The following YAP1 variants were observed in gnomAD, a reference collection of about 807,000 sequenced individuals.
The protein encoded by YAP1 is Yes1 associated transcriptional regulator, also known as transcriptional coactivator YAP1.
Under a neutral mutation model 56.9 loss-of-function variants are expected in YAP1, and 5 were observed. The observed-to-expected ratio is 0.09, with a 90% CI of 0.05 to 0.18. The LOEUF is 0.18. Ranked by LOEUF, YAP1 falls within the 10% of genes least tolerant of loss-of-function variation. The pLI is 1.00. For missense variants in YAP1, 539 were observed against 651.8 expected (o/e 0.83, Z 1.88); for synonymous variants, 265 against 248.1 (o/e 1.07, Z -0.64).
At chr11:102,180,780 GAGAA>G (rs1460318167) in intron 3 of YAP1, among the ~76,000 whole-genome samples, 1 of 151,088 alleles carries the variant, frequency 6.6e-6, no homozygotes, top group African/African-American at 2.4e-5. Context: ...TACTAGCACA[GAGAA>G]AGAACTCTTC....
intron 2 of YAP1, among the ~76,000 whole-genome samples, chr11:102,162,226 A>G (rs1946330316): frequency 6.6e-6 from 1 of 152,190 alleles, no homozygotes; most frequent in Non-Finnish European, 1.5e-5. Context: ...TTAAAATTCC[A>G]GGCATAACTT....
chr11:102,118,564 C>T (rs1943448938), intron 2 of YAP1, among the ~76,000 whole-genome samples: 1 of 148,072 alleles, frequency 6.8e-6, no homozygotes, highest in South Asian at 2.2e-4. Flanking sequence ...CCTGGGTTCG[C>T]GTGATTCTCC....
At chr11:102,225,113 A>G (rs921369325) in intron 7 of YAP1, among the ~76,000 whole-genome samples, 2 of 151,988 alleles carry the variant, frequency 1.3e-5, no homozygotes, top group East Asian at 3.9e-4. Flanking sequence ...GCAGAATTGT[A>G]TATGCATTCT....
chr11:102,157,193 C>T (rs1007506338), intron 2 of YAP1, among the ~76,000 whole-genome samples: 2 of 152,120 alleles, frequency 1.3e-5, no homozygotes, highest in African/African-American at 4.8e-5. Flanking sequence ...ATGTTTACGT[C>T]TTCTCATGCA....
intron 2 of YAP1, among the ~76,000 whole-genome samples, chr11:102,142,459 G>A (rs1591208052): frequency 6.6e-6 from 1 of 152,144 alleles, no homozygotes; most frequent in Admixed American, 6.6e-5. Context: ...TTTCTGATTT[G>A]TACTTTTCTC....
chr11:102,201,587 A>G (rs772928429), intron 4 of YAP1, among the ~76,000 whole-genome samples: 2 of 152,214 alleles, frequency 1.3e-5, no homozygotes, highest in Non-Finnish European at 2.9e-5. Context: ...ATAAAATTGC[A>G]AAGAAATCTG....
chr11:102,226,778 A>G (rs538795194), intron 7 of YAP1, among the ~76,000 whole-genome samples: 26 of 152,256 alleles, frequency 1.7e-4, no homozygotes, highest in South Asian at 1.5e-3. Flanking sequence ...CTGGAGCTAT[A>G]TGATTTCCCG....
chr11:102,206,451 A>G (rs1425419361), intron 5 of YAP1, among the ~76,000 whole-genome samples: 1 of 152,246 alleles, frequency 6.6e-6, no homozygotes, highest in African/African-American at 2.4e-5. Flanking sequence ...AACATCCTTT[A>G]TTAATAACTT....
At chr11:102,226,429 T>G (rs79086932) in intron 7 of YAP1, among the ~76,000 whole-genome samples, 158 of 152,356 alleles carry the variant, frequency 1.0e-3, no homozygotes, top group African/African-American at 3.7e-3. Flanking sequence ...TTGTTTTTAT[T>G]TTTTAACTTT....
At chr11:102,114,515 A>C (rs1565417705) in intron 2 of YAP1, 121 bp downstream of exon 2, 4 of 1,235,168 alleles carry the variant, frequency 3.2e-6, no homozygotes, top group Non-Finnish European at 4.4e-6. Flanking sequence ...TATTTATGTT[A>C]AGCTCTGTAG....
intron 3 of YAP1, among the ~76,000 whole-genome samples, chr11:102,184,086 AAAAAAAAAAG>A (rs1164117490): frequency 6.7e-6 from 1 of 148,678 alleles, no homozygotes; most frequent in African/African-American, 2.5e-5. Flanking sequence ...CAAAAAAAAA[AAAAAAAAAAG>A]AAAGCTACAA....
intron 6 of YAP1, among the ~76,000 whole-genome samples, chr11:102,219,893 G>C (rs1055035341): frequency 6.6e-6 from 1 of 151,792 alleles, no homozygotes; most frequent in Non-Finnish European, 1.5e-5. Context: ...CACCACGCCT[G>C]GCTAATTTTT....
chr11:102,183,049 T>C (rs150783713), intron 3 of YAP1, among the ~76,000 whole-genome samples: 1 of 152,216 alleles, frequency 6.6e-6, no homozygotes, highest in Non-Finnish European at 1.5e-5. Context: ...GAAGAATGAC[T>C]TGATCATTGC....
chr11:102,135,876 A>G (rs1403459860), intron 2 of YAP1, among the ~76,000 whole-genome samples: 1 of 152,198 alleles, frequency 6.6e-6, no homozygotes, highest in Admixed American at 6.5e-5. Flanking sequence ...CGTGAATGTT[A>G]GTATAGTTCA....
At chr11:102,127,962 A>G (rs1470173839) in intron 2 of YAP1, among the ~76,000 whole-genome samples, 1 of 152,154 alleles carries the variant, frequency 6.6e-6, no homozygotes, top group Non-Finnish European at 1.5e-5. Flanking sequence ...TGTTTTGGCC[A>G]ATTTCTTCCA....
intron 2 of YAP1, among the ~76,000 whole-genome samples, chr11:102,126,923 C>T (rs542526174): frequency 2.6e-5 from 4 of 152,224 alleles, no homozygotes; most frequent in Non-Finnish European, 5.9e-5. Flanking sequence ...ACTCTTGTTA[C>T]GTTTTAGCAA....
chr11:102,125,362 T>C (rs1943967009), intron 2 of YAP1, among the ~76,000 whole-genome samples: 1 of 145,218 alleles, frequency 6.9e-6, no homozygotes, highest in East Asian at 2.1e-4. Context: ...TCATTCTTTT[T>C]TTTTTCTTTT....
chr11:102,219,088 CAGG>C (rs1949795278), intron 6 of YAP1, among the ~76,000 whole-genome samples: 2 of 152,304 alleles, frequency 1.3e-5, no homozygotes, highest in African/African-American at 2.4e-5. Context: ...GTGCTACAAA[CAGG>C]AGCATACCTT....
chr11:102,118,848 C>T lies in YAP1; in HGVS notation c.572+4454C>T, dbSNP rs183542852. On this transcript the variant is annotated intron_variant, in intron 2 of 8. Coordinates refer to ENST00000282441, the MANE Select transcript of YAP1 (RefSeq NM_001130145.3). ...TGTATACAGAACATATACAGTGTAT[C>T]TTCATAATAAAGATTATGCCTCTTT... 5.7e-3 allele frequency among the ~76,000 whole-genome samples: 859 copies of T among 151,618 alleles called. 8 individuals are homozygous for T. Among genetic ancestry groups the T allele is most frequent in the African/African-American group, 0.019 (803 of 41,392 alleles).
Sources: allele counts gnomAD v4.1 joint callset (sites outside exome capture counted in the v4.1 genomes callset), GRCh38; gene constraint gnomAD v4.1.1; transcripts MANE v1.5; gene names NCBI Gene and HGNC (gene_info 2026-07-23, HGNC 2026-07-21).